PPRC1: variants seen among roughly 807,000 people sequenced by gnomAD.
The protein encoded by PPRC1 is PPARG related coactivator 1, also known as peroxisome proliferator-activated receptor gamma coactivator-related protein 1.
In PPRC1, 23 loss-of-function variants were observed where a neutral mutation model predicts 132.5. The ratio of observed to expected loss-of-function variants is 0.17; its 90% CI spans 0.12 to 0.25. The LOEUF (loss-of-function observed/expected upper bound fraction) is 0.25, where lower values mean the gene tolerates loss of function less well. Among genes scored for constraint, PPRC1 ranks in the 10% least tolerant of loss-of-function variants. PPRC1 has a pLI of 1.00. For missense variants in PPRC1, 2,006 were observed against 2,089.1 expected (o/e 0.96, Z 0.78); for synonymous variants, 872 against 833.5 (o/e 1.05, Z -0.80).
Position 102,133,185 on chromosome 10 carries a change from G to C in PPRC1, c.117G>C (p.Pro39=), listed in dbSNP as rs748099836. ...GTTGGGGAAGTCGAAGCCAAGCGCCGTATGGGACTTTGGGCGCTGTGAGCG... is the reference window on the plus strand; with the variant it reads ...GTTGGGGAAGTCGAAGCCAAGCGCCCTATGGGACTTTGGGCGCTGTGAGCG... ...GSGWGSRSQA[P]YGTLGAVSGG... The change falls in exon 1 of 14, where the codon CCG becomes CCC. Residue 39 remains proline (P), a synonymous_variant. Coordinates refer to ENST00000278070, the MANE Select transcript of PPRC1 (RefSeq NM_015062.5). 1.7e-5 allele frequency: 22 copies of C among 1,278,570 alleles called. 1 individual carries two copies. Among genetic ancestry groups the C allele is most frequent in the East Asian group, 2.9e-5 (1 of 34,144 alleles). The allele number at this position is 1,278,570 out of a possible 1,614,324, so 79.2% of individuals were successfully genotyped here.
intron 1 of PPRC1, among the ~76,000 whole-genome samples, chr10:102,133,743 A>G (rs1371477458): frequency 6.7e-6 from 1 of 149,744 alleles, no homozygotes; most frequent in Non-Finnish European, 1.5e-5. Flanking sequence ...GCTGTCGGGC[A>G]TCTAGTATCG....
intron 1 of PPRC1, among the ~76,000 whole-genome samples, chr10:102,135,778 A>T (rs1476107283): frequency 3.3e-5 from 5 of 152,194 alleles, no homozygotes; most frequent in South Asian, 2.1e-4. Context: ...ATACATATTT[A>T]AAAAGTTTCT....
chr10:102,144,950 C>G, intron 7 of PPRC1, 70 bp from the exon 8 acceptor site: 3 of 1,099,378 alleles, frequency 2.7e-6, no homozygotes, highest in African/African-American at 1.6e-5. Flanking sequence ...CCATTGATTT[C>G]TGAGAAAGGC....
chr10:102,128,998 C>T (rs1219027518), upstream of PPRC1, among the ~76,000 whole-genome samples: 21 of 139,722 alleles, frequency 1.5e-4, no homozygotes, highest in African/African-American at 4.8e-4. Context: ...GGCGCGATCT[C>T]GGCTCACTGC....
the PPRC1 span, among the ~76,000 whole-genome samples, chr10:102,121,009 C>T: frequency 2.6e-5 from 4 of 152,178 alleles, no homozygotes; most frequent in Admixed American, 6.5e-5. Flanking sequence ...GTAGCAACCC[C>T]TCAACTCACC....
Position 102,150,064 on chromosome 10 carries a change from T to G in PPRC1, c.*35T>G. On this transcript the variant is annotated 3_prime_UTR_variant, in exon 14 of 14. Coordinates refer to ENST00000278070, the MANE Select transcript of PPRC1 (RefSeq NM_015062.5). ...CTTCCCTGCTATCCTTTTTCTCCTT[T>G]GGAGGTGCCCAACCTCCTCCACCCC... The G allele has an allele frequency of 1.3e-6, 2 of 1,527,476 alleles. No homozygotes were observed. The highest frequency in any genetic ancestry group is 1.8e-6 in the Non-Finnish European group (2 of 1,101,266). The allele number at this position is 1,527,476 out of a possible 1,614,324, so 94.6% of individuals were successfully genotyped here.
chr10:102,138,349 G>A (rs1268039480), intron 2 of PPRC1, among the ~76,000 whole-genome samples: 1 of 152,172 alleles, frequency 6.6e-6, no homozygotes, highest in African/African-American at 2.4e-5. Context: ...CTAGCCGATG[G>A]TTGTCTGCTG....
At position 102,147,418 on chromosome 10, in the gene PPRC1, C is replaced by G. The variant is rs772438478; in HGVS notation, c.4400+26C>G. Reference sequence around the variant, plus strand: ...GTGAGCTTTGATGGCCCTGTAGGTCCTCTCCATTTAGGAAGTTCACGTACT... The same window carrying G: ...GTGAGCTTTGATGGCCCTGTAGGTCGTCTCCATTTAGGAAGTTCACGTACT... On this transcript the variant is annotated intron_variant, in intron 9 of 13. Coordinates refer to ENST00000278070, the MANE Select transcript of PPRC1 (RefSeq NM_015062.5). The G allele has an allele frequency of 5.1e-6, 8 of 1,575,174 alleles. No individual in the cohort carries two copies. In the East Asian group the frequency reaches 1.8e-4, roughly 35 times the overall value.
At chr10:102,131,146 G>C (rs2068534243), upstream of PPRC1, among the ~76,000 whole-genome samples, 2 of 146,336 alleles carry the variant, frequency 1.4e-5, no homozygotes, top group Non-Finnish European at 3.0e-5. Flanking sequence ...AGTGAGCCAA[G>C]ATCGCGCCAC....
At position 102,140,877 on chromosome 10, in the gene PPRC1, C is replaced by A. The variant is rs760237653; in HGVS notation, c.2369C>A (p.Ala790Glu). ...CTTCCAGAGACTCCCACAGGGCTGG[C>A]AGACATCCCTTGTCTTGTCATCCCA... ...PSLPETPTGL[A>E]DIPCLVIPPA... Residue 790 changes from alanine (A) to glutamate (E), a missense_variant, in exon 5 of 14, where the codon GCA (alanine) becomes GAA (glutamate). This residue lies in a region of PPRC1 where 1,914 missense variants were observed against 1,917.2 expected (regional missense o/e 1.00). Coordinates refer to ENST00000278070, the MANE Select transcript of PPRC1 (RefSeq NM_015062.5). 6.2e-7 allele frequency: 1 copy of A among 1,613,986 alleles called. No homozygotes were observed. The highest frequency in any genetic ancestry group is 1.3e-5 in the African/African-American group (1 of 74,916).
chr10:102,147,080 C>G lies in PPRC1; in HGVS notation c.4088C>G (p.Ala1363Gly). ...PLDHRTSSEQADPSAPCLAPS... is the reference protein window; with the variant it reads ...PLDHRTSSEQGDPSAPCLAPS... ...GATCACAGGACTAGCAGTGAGCAGG[C>G]AGATCCCTCAGCACCCTGCCTTGCC... Residue 1363 changes from alanine to glycine, a missense_variant, in exon 9 of 14, where the codon GCA (alanine) becomes GGA (glycine). This residue lies in a region of PPRC1 where 1,914 missense variants were observed against 1,917.2 expected (regional missense o/e 1.00). Transcript: ENST00000278070. 3 of 1,614,184 alleles carry G rather than the reference C, an allele frequency of 1.9e-6. No homozygotes were observed. Among genetic ancestry groups the G allele is most frequent in the Non-Finnish European group, 2.5e-6 (3 of 1,180,024 alleles).
At chr10:102,125,893 G>A in the PPRC1 span, among the ~76,000 whole-genome samples, 2 of 139,524 alleles carry the variant, frequency 1.4e-5, no homozygotes, top group African/African-American at 2.7e-5. Flanking sequence ...ACAGAGTTTC[G>A]CTCTTGTTGC....
At position 102,149,050 on chromosome 10, in the gene PPRC1, T is replaced by C. The variant is rs1470003364; in HGVS notation, c.4739+112T>C. 2.0e-6 allele frequency: 3 copies of C among 1,534,306 alleles called. No homozygotes were observed. In the African/African-American group the frequency reaches 4.2e-5, roughly 21 times the overall value. ...TGCTGAGCAATATGGGGCACCTTCA[T>C]TTCTGCAGTCAGAGGGTTGGCCACT... On this transcript the variant is annotated intron_variant, in intron 12 of 13. Coordinates refer to ENST00000278070, the MANE Select transcript of PPRC1 (RefSeq NM_015062.5).
upstream of PPRC1, among the ~76,000 whole-genome samples, chr10:102,128,999 G>A (rs1277050862): frequency 7.2e-6 from 1 of 138,472 alleles, no homozygotes; most frequent in Non-Finnish European, 1.5e-5. Context: ...GCGCGATCTC[G>A]GCTCACTGCA....
chr10:102,139,421 C>T lies in PPRC1; in HGVS notation c.913C>T (p.Leu305=), dbSNP rs756712935. The T allele has an allele frequency of 2.5e-6, 4 of 1,614,230 alleles. No homozygotes were observed. Among genetic ancestry groups the T allele is most frequent in the Non-Finnish European group, 2.5e-6 (3 of 1,180,044 alleles). Residue 305 remains leucine, a synonymous_variant, in exon 5 of 14, where the codon CTG becomes TTG. Transcript: ENST00000278070. ...AGCTGGTGATGAGAGCATCTCCTCC[C>T]TGAGTGAGCTGGTGCGGGCCATGCA... ...PAAGDESISS[L]SELVRAMHPY...
chr10:102,149,481 C>T (rs1466883451), intron 13 of PPRC1, 152 bp downstream of exon 13: 20 of 980,976 alleles, frequency 2.0e-5, no homozygotes, highest in Non-Finnish European at 2.3e-5. Context: ...GCCTGTAATC[C>T]CAGCACTTTG....
At chr10:102,147,981 G>T (rs937794251) in intron 9 of PPRC1, among the ~76,000 whole-genome samples, 1 of 152,158 alleles carries the variant, frequency 6.6e-6, no homozygotes, top group Admixed American at 6.5e-5. Context: ...GTGAGACCTG[G>T]TAGGGGAGCA....
At chr10:102,123,274 A>C in the PPRC1 span, among the ~76,000 whole-genome samples, 1 of 151,824 alleles carries the variant, frequency 6.6e-6, no homozygotes, top group African/African-American at 2.4e-5. Context: ...AGACCTGGGG[A>C]GGGAGAAGAG....
chr10:102,133,822 A>C (rs1315278480), intron 1 of PPRC1, among the ~76,000 whole-genome samples: 1 of 150,112 alleles, frequency 6.7e-6, no homozygotes, highest in East Asian at 2.0e-4. Flanking sequence ...CCGGGGCTGG[A>C]GGCCCGGGCC....
Sources: gnomAD v4.1 joint callset for allele counts (sites outside exome capture counted in the v4.1 genomes callset) on GRCh38, gnomAD v4.1.1 for gene constraint, gnomAD v4.1.1 regional missense constraint, MANE v1.5 for transcripts, NCBI Gene and HGNC (gene_info 2026-07-23, HGNC 2026-07-21) for gene names.